The following SLC15A4 variants were observed in gnomAD, a reference collection of about 807,000 sequenced individuals.
The protein encoded by SLC15A4 is hPHT1.
In SLC15A4, 26 loss-of-function variants were observed where a neutral mutation model predicts 46.1. The ratio of observed to expected loss-of-function variants is 0.56; its 90% confidence interval spans 0.41 to 0.78. The LOEUF (loss-of-function observed/expected upper bound fraction) is 0.78, where lower values mean the gene tolerates loss of function less well. Among genes scored for constraint, SLC15A4 ranks in the 30% least tolerant of loss-of-function variants. SLC15A4 has a pLI of 0.00. For synonymous variants in SLC15A4, 370 were observed against 333.4 expected (o/e 1.11, Z -1.20); for missense variants, 751 against 755.7 (o/e 0.99, Z 0.07).
chr12:128,797,279 G>T (rs1955457267), intron 7 of SLC15A4, among the ~76,000 whole-genome samples: 1 of 152,050 alleles, frequency 6.6e-6, no homozygotes, highest in African/African-American at 2.4e-5. Flanking sequence ...GAAGTACAGG[G>T]GAGATGCTCA....
chr12:128,798,823 C>A (rs1372159458), intron 7 of SLC15A4, among the ~76,000 whole-genome samples: 1 of 152,172 alleles, frequency 6.6e-6, no homozygotes, highest in Non-Finnish European at 1.5e-5. Context: ...TCTATCTTGT[C>A]TTTTTCGTAT....
intron 4 of SLC15A4, 123 bp from the exon 5 acceptor site, chr12:128,809,079 C>G: frequency 1.1e-6 from 1 of 883,806 alleles, no homozygotes; most frequent in South Asian, 1.7e-5. Flanking sequence ...AAGGTACAAC[C>G]TCTTCAGTTT....
intron 1 of SLC15A4, among the ~76,000 whole-genome samples, chr12:128,818,731 C>G (rs1955792401): frequency 6.6e-6 from 1 of 152,206 alleles, no homozygotes; most frequent in Non-Finnish European, 1.5e-5. Context: ...ACATTCTCAT[C>G]ACACCAACAG....
intron 7 of SLC15A4, among the ~76,000 whole-genome samples, chr12:128,797,278 G>A (rs1454798246): frequency 6.6e-6 from 1 of 152,016 alleles, no homozygotes; most frequent in East Asian, 1.9e-4. Flanking sequence ...AGAAGTACAG[G>A]GGAGATGCTC....
intron 6 of SLC15A4, among the ~76,000 whole-genome samples, 196 bp from the exon 7 acceptor site, chr12:128,799,613 A>C (rs930029148): frequency 3.3e-5 from 5 of 152,216 alleles, no homozygotes; most frequent in African/African-American, 9.6e-5. Flanking sequence ...CCAACTGTTC[A>C]TTCTCCTAGC....
intron 4 of SLC15A4, 156 bp from the exon 5 acceptor site, chr12:128,809,112 G>T (rs1042677552): frequency 5.7e-6 from 4 of 705,420 alleles, no homozygotes; most frequent in African/African-American, 1.8e-5. Flanking sequence ...ACTGGGAAAA[G>T]ATTTCTTTCC....
intron 6 of SLC15A4, 124 bp from the exon 7 acceptor site, chr12:128,799,541 C>A: frequency 1.0e-6 from 1 of 975,074 alleles, no homozygotes; most frequent in South Asian, 1.7e-5. Context: ...TGCAGACAGG[C>A]ACAACCTCTT....
chr12:128,814,844 G>A lies in SLC15A4; in HGVS notation c.773C>T (p.Thr258Ile), dbSNP rs1232198695. Residue 258 changes from threonine to isoleucine, a missense_variant, in exon 2 of 8, where the codon ACC (threonine) becomes ATC (isoleucine). Transcript: ENST00000266771. ...ATACGTCAGTATCTTGAACATGTCG[G>A]TGAAGGCACTGCCATCAGGAGGCTT... is the stretch of plus-strand genomic sequence containing the variant. ...ITKPPDGSAFTDMFKILTYSC... is the reference protein window; with the variant it reads ...ITKPPDGSAFIDMFKILTYSC... The A allele has an allele frequency of 6.2e-7, 1 of 1,614,092 alleles. No individual in the cohort carries two copies. The highest frequency in any genetic ancestry group is 1.7e-5 in the Admixed American group (1 of 60,002).
At chr12:128,815,677 T>C (rs10847698) in intron 1 of SLC15A4, 14,638 of 154,114 alleles carry the variant, frequency 0.095, 951 homozygotes, top group Admixed American at 0.2. Flanking sequence ...TGAAACTCCA[T>C]CTCAAACAAA....
chr12:128,800,183 T>C (rs1295153811), intron 6 of SLC15A4, among the ~76,000 whole-genome samples: 1 of 152,092 alleles, frequency 6.6e-6, no homozygotes, highest in Non-Finnish European at 1.5e-5. Context: ...CATCTATAAA[T>C]TTAGATTTTT....
At chr12:128,801,104 G>GT in intron 5 of SLC15A4, 95 bp from the exon 6 acceptor site, 1 of 1,199,614 alleles carries the variant, frequency 8.3e-7, no homozygotes. Flanking sequence ...CGTAGCAAAC[G>GT]TGATTCTGAT....
chr12:128,809,973 A>G lies in SLC15A4; in HGVS notation c.981T>C (p.Ala327=), dbSNP rs755272371. 1 of 1,614,160 alleles carries G rather than the reference A, an allele frequency of 6.2e-7. No individual in the cohort carries two copies. The highest frequency in any genetic ancestry group is 2.2e-5 in the East Asian group (1 of 44,878). The change falls in exon 3 of 8, where the codon GCT becomes GCC. Residue 327 remains alanine (A), a synonymous_variant. Transcript: ENST00000266771. ...ALVKIVPVFL[A]LIPYWTVYFQ... The stretch of plus-strand genomic sequence containing the variant: ...AATACACTGTCCAGTAAGGTATCAA[A>G]GCCAAGAAAACAGGGACAATCTTGA...
rs1566052257 is a variant in SLC15A4, at chr12:128,810,012, A to T, written c.942T>A (p.Asp314Glu). Residue 314 changes from aspartate (D) to glutamate (E), a missense_variant, in exon 3 of 8, where the codon GAT (aspartate) becomes GAA (glutamate). Coordinates refer to ENST00000266771, the MANE Select transcript of SLC15A4 (RefSeq NM_145648.4). Reference protein sequence around the residue: ...GGPFTEEKVEDVKALVKIVPV... With the variant: ...GGPFTEEKVEEVKALVKIVPV... ...GGACAATCTTGACCAGAGCTTTCACATCTTCCACTTTCTCTTCTGTAAATG... is the reference window on the plus strand; with the variant it reads ...GGACAATCTTGACCAGAGCTTTCACTTCTTCCACTTTCTCTTCTGTAAATG... 3 of 1,614,204 alleles carry T rather than the reference A, an allele frequency of 1.9e-6. No homozygotes were observed. The highest frequency in any genetic ancestry group is 2.5e-6 in the Non-Finnish European group (3 of 1,180,034).
rs554398370 is a variant in SLC15A4, at chr12:128,809,849, C to T, written c.1011+94G>A. On this transcript the variant is annotated intron_variant, in intron 3 of 7. Coordinates refer to ENST00000266771, the MANE Select transcript of SLC15A4 (RefSeq NM_145648.4). Reference sequence around the variant, plus strand: ...GTAGACTCATGGGAAAAAAAATCACCTAGTCCTACCTACTTTAGAAATGGC... The same window carrying T: ...GTAGACTCATGGGAAAAAAAATCACTTAGTCCTACCTACTTTAGAAATGGC... 1.9e-4 allele frequency: 251 copies of T among 1,287,410 alleles called. 2 individuals carry two copies. The highest frequency in any genetic ancestry group is 1.2e-3 in the Middle Eastern group (6 of 5,188). 79.7% of individuals were successfully genotyped at this position (1,287,410 alleles called of 1,614,324 possible).
At position 128,810,413 on chromosome 12, in the gene SLC15A4, A is replaced by T. The variant is rs991684854; in HGVS notation, c.843-302T>A. 9 of 333,546 alleles carry T rather than the reference A, an allele frequency of 2.7e-5. No homozygotes were observed. In the East Asian group the frequency reaches 6.5e-4, roughly 24 times the overall value. 20.7% of individuals were successfully genotyped at this position (333,546 alleles called of 1,614,324 possible). A position where few individuals can be genotyped will look rare whatever the true frequency, so the allele number is the denominator to read the frequency against. ...GAACCACGGCTGAGCTGAGAGCCCC[A>T]GCGCAGCTGCCAGCTCGGCAATCTC... On this transcript the variant is annotated intron_variant, in intron 2 of 7. Transcript: ENST00000266771.
intron 3 of SLC15A4, 53 bp downstream of exon 3, chr12:128,809,890 G>C (rs928364543): frequency 1.9e-6 from 3 of 1,563,642 alleles, no homozygotes; most frequent in Admixed American, 1.8e-5. Context: ...CAAGTGCTAG[G>C]GTAAGACTTC....
At chr12:128,823,029 G>A (rs1164111974) in intron 1 of SLC15A4, among the ~76,000 whole-genome samples, 1 of 151,016 alleles carries the variant, frequency 6.6e-6, no homozygotes, top group Non-Finnish European at 1.5e-5. Context: ...GTAGAGATGA[G>A]GTCTCACTGT....
At chr12:128,806,790 C>T (rs1310080785) in intron 5 of SLC15A4, among the ~76,000 whole-genome samples, 1 of 151,980 alleles carries the variant, frequency 6.6e-6, no homozygotes, top group South Asian at 2.1e-4. Context: ...TAGGTCAGAG[C>T]GCATGCCTCC....
chr12:128,809,064 T>C, intron 4 of SLC15A4, 108 bp from the exon 5 acceptor site: 1 of 1,026,012 alleles, frequency 9.7e-7, no homozygotes, highest in East Asian at 2.4e-5. Flanking sequence ...ACAGTTCCTC[T>C]CCACAAGGTA....
Sources: allele counts gnomAD v4.1 joint callset (sites outside exome capture counted in the v4.1 genomes callset), GRCh38; gene constraint gnomAD v4.1.1; transcripts MANE v1.5; gene names NCBI Gene and HGNC (gene_info 2026-07-23, HGNC 2026-07-21).